The following ZNF626 variants were observed in gnomAD, a reference collection of about 807,000 sequenced individuals.
ZNF626 encodes the protein zinc finger protein 626.
A neutral mutation model predicts 11.7 loss-of-function variants in ZNF626; 4 were observed. That is an observed-to-expected ratio of 0.34 (90% confidence interval 0.17 to 0.78). The LOEUF is 0.78. Among genes scored for constraint, ZNF626 ranks in the 30% least tolerant of loss-of-function variants. ZNF626 has a pLI of 0.57. For synonymous variants in ZNF626, 179 were observed against 198.6 expected, an observed-to-expected ratio of 0.90 and a Z score of 0.83; for missense variants, 588 against 587.1, an observed-to-expected ratio of 1.00 and a Z score of -0.01.
chr19:20,659,720 AT>A (rs34827728), intron 1 of ZNF626, among the ~76,000 whole-genome samples: 72 of 150,028 alleles, frequency 4.8e-4, no homozygotes, highest in South Asian at 8.4e-4. Context: ...TTAGGAATTC[AT>A]TTTTTTTTTA....
intron 3 of ZNF626, among the ~76,000 whole-genome samples, chr19:20,644,123 C>T (rs1470768049): frequency 6.6e-6 from 1 of 152,196 alleles, no homozygotes; most frequent in Non-Finnish European, 1.5e-5. Flanking sequence ...GGCCTGCATA[C>T]CTTGGCCTTT....
chr19:20,630,078 T>C (rs59643175), intron 3 of ZNF626, among the ~76,000 whole-genome samples: 38,700 of 152,070 alleles, frequency 0.25, 7,572 homozygotes, highest in African/African-American at 0.55. Context: ...TGCTGGAGTA[T>C]GTTTATTGAT....
At chr19:20,641,920 T>C (rs1970028338) in intron 3 of ZNF626, among the ~76,000 whole-genome samples, 1 of 117,388 alleles carries the variant, frequency 8.5e-6, no homozygotes, top group Non-Finnish European at 1.7e-5. Context: ...TTTAAAACAA[T>C]GTTTAAAAAA....
chr19:20,641,262 C>A (rs906552244), intron 3 of ZNF626, among the ~76,000 whole-genome samples: 21 of 151,830 alleles, frequency 1.4e-4, no homozygotes, highest in African/African-American at 4.3e-4. Flanking sequence ...AAAAATACGT[C>A]AAAAAATATA....
chr19:20,660,242 CTA>C (rs1491358913), intron 1 of ZNF626, among the ~76,000 whole-genome samples: 1 of 78,902 alleles, frequency 1.3e-5, no homozygotes. Flanking sequence ...GACACTGTGT[CTA>C]AAAAAAAAAA....
Position 20,623,910 on chromosome 19 carries a change from T to TA in ZNF626, c.*379dup, listed in dbSNP as rs879979734. ...GTGTAATAAAGGTTGAGAAGTTCCTTAAAAAATCTGTCACATTCTTTATAT... is the reference window on the plus strand; with the variant it reads ...GTGTAATAAAGGTTGAGAAGTTCCTTAAAAAAATCTGTCACATTCTTTATAT... On this transcript the variant is annotated 3_prime_UTR_variant, in exon 4 of 4. Transcript: ENST00000601440. 1.1e-5 allele frequency: 4 copies of TA among 362,578 alleles called. No individual in the cohort carries two copies. The highest frequency in any genetic ancestry group is 2.1e-5 in the Non-Finnish European group (4 of 187,330). The allele number at this position is 362,578 out of a possible 1,614,324, so 22.5% of individuals were successfully genotyped here. A position where few individuals can be genotyped will look rare whatever the true frequency, so the allele number is the denominator to read the frequency against.
intron 3 of ZNF626, among the ~76,000 whole-genome samples, chr19:20,633,077 G>C (rs1293443358): frequency 6.6e-6 from 1 of 152,120 alleles, no homozygotes. Flanking sequence ...CTGGGTATCA[G>C]CAGCGGTGGC....
At chr19:20,639,953 T>A (rs1970005410) in intron 3 of ZNF626, among the ~76,000 whole-genome samples, 1 of 151,942 alleles carries the variant, frequency 6.6e-6, no homozygotes, top group African/African-American at 2.4e-5. Context: ...CTACAGAACA[T>A]AAACAATGTG....
intron 1 of ZNF626, among the ~76,000 whole-genome samples, chr19:20,658,568 G>C (rs1005472727): frequency 5.3e-5 from 8 of 152,278 alleles, no homozygotes; most frequent in Admixed American, 5.2e-4. Flanking sequence ...TAAATCACAG[G>C]ACAACAGGCA....
rs1002941437 is a variant in ZNF626 at position 20,622,763 on chromosome 19, T to C, written c.*1527A>G. The C allele has an allele frequency of 2.0e-5, 3 of 152,198 alleles. No individual in the cohort carries two copies. The highest frequency in any genetic ancestry group is 7.2e-5 in the African/African-American group (3 of 41,464). The allele number at this position is 152,198 out of a possible 1,614,324, so 9.4% of individuals were successfully genotyped here. The stretch of plus-strand genomic sequence containing the variant: ...CTCAACACTCTTATTTAATGTAATG[T>C]CTGAAGTGTCAGTGCCTTAGTTATT... On this transcript the variant is annotated 3_prime_UTR_variant, in exon 4 of 4. Transcript: ENST00000601440.
At chr19:20,634,624 G>A (rs1258069004) in intron 3 of ZNF626, among the ~76,000 whole-genome samples, 4 of 149,950 alleles carry the variant, frequency 2.7e-5, no homozygotes, top group Non-Finnish European at 5.9e-5. Context: ...AGGCTGAGGT[G>A]GGTGAATTTA....
chr19:20,620,111 A>G lies in ZNF626; in HGVS notation c.*4179T>C, dbSNP rs1250580572. 1 of 152,188 alleles carries G rather than the reference A, an allele frequency of 6.6e-6. No homozygotes were observed. Among genetic ancestry groups the G allele is most frequent in the Admixed American group, 6.5e-5 (1 of 15,276 alleles). The allele number at this position is 152,188 out of a possible 1,614,324, so 9.4% of individuals were successfully genotyped here. A position where few individuals can be genotyped will look rare whatever the true frequency, so the allele number is the denominator to read the frequency against. On this transcript the variant is annotated 3_prime_UTR_variant, in exon 4 of 4. Coordinates refer to ENST00000601440, the MANE Select transcript of ZNF626 (RefSeq NM_001076675.3). ...ATTTTTATTAAAATAAGCGTTAAAA[A>G]TAATTTTTTGAGTGTGTTTGAAGAG...
rs183815090 is a variant in ZNF626 at position 20,639,817 on chromosome 19, T to C, written c.226+5867A>G. Among the ~76,000 whole-genome samples the C allele has an allele frequency of 2.6e-3, 395 of 152,264 alleles. 1 individual carries two copies. Among genetic ancestry groups the C allele is most frequent in the African/African-American group, 9.0e-3 (374 of 41,562 alleles). ...ATAAAAACTGAATGAAACTAGGAAT[T>C]AAAAGCAAAAGTCAAACTGGCAAAT... On this transcript the variant is annotated intron_variant, in intron 3 of 3. Transcript: ENST00000601440.
chr19:20,625,017 C>A lies in ZNF626; in HGVS notation c.860G>T (p.Cys287Phe). The change falls in exon 4 of 4, where the codon TGT (cysteine) becomes TTT (phenylalanine). Residue 287 changes from cysteine to phenylalanine, a missense_variant. By Grantham distance (205) the Cys-to-Phe change is radical (BLOSUM62 -2). Coordinates refer to ENST00000601440, the MANE Select transcript of ZNF626 (RefSeq NM_001076675.3). ...GTTGAAGGCTTTGCCACATTCTTCACATTTGTAGGGTTTCTTTTCCGTATG... is the reference window on the plus strand; with the variant it reads ...GTTGAAGGCTTTGCCACATTCTTCAAATTTGTAGGGTTTCTTTTCCGTATG... ...IIHTEKKPYK[C>F]EECGKAFNRS... 1 of 1,613,778 alleles carries A rather than the reference C, an allele frequency of 6.2e-7. No homozygotes were observed. Among genetic ancestry groups the A allele is most frequent in the Non-Finnish European group, 8.5e-7 (1 of 1,179,960 alleles).
At chr19:20,633,021 C>T (rs1378727606) in intron 3 of ZNF626, among the ~76,000 whole-genome samples, 1 of 152,174 alleles carries the variant, frequency 6.6e-6, no homozygotes, top group East Asian at 1.9e-4. Flanking sequence ...CCCTCAGCTG[C>T]AGGTCTGTTG....
At chr19:20,639,861 AAC>A (rs1170415995) in intron 3 of ZNF626, among the ~76,000 whole-genome samples, 1 of 152,224 alleles carries the variant, frequency 6.6e-6, no homozygotes, top group Non-Finnish European at 1.5e-5. Flanking sequence ...GTGTATATGA[AAC>A]ACACTCTTCA....
rs1487339873 is a variant in ZNF626 at position 20,623,258 on chromosome 19, TG to T, written c.*1031del. ...ATAATAGCTTTCCTGCAAAATAAGA[TG>T]TACACATTGATTAAAGGTTTTGCCA... On this transcript the variant is annotated 3_prime_UTR_variant, in exon 4 of 4. Coordinates refer to ENST00000601440, the MANE Select transcript of ZNF626 (RefSeq NM_001076675.3). 3.9e-5 allele frequency: 6 copies of T among 152,188 alleles called. No homozygotes were observed. The highest frequency in any genetic ancestry group is 8.8e-5 in the Non-Finnish European group (6 of 68,034). The allele number at this position is 152,188 out of a possible 1,614,324, so 9.4% of individuals were successfully genotyped here.
intron 3 of ZNF626, among the ~76,000 whole-genome samples, chr19:20,642,769 G>A (rs1016796836): frequency 1.3e-5 from 2 of 152,060 alleles, no homozygotes; most frequent in East Asian, 1.9e-4. Flanking sequence ...CTGTAGTCTC[G>A]CACTTTGGGA....
In ZNF626 at chr19:20,624,718, G is replaced by A; in HGVS notation, c.1159C>T (p.His387Tyr). Residue 387 changes from histidine to tyrosine, a missense_variant, in exon 4 of 4, where the codon CAT becomes TAT. Physicochemically the swap from His to Tyr is moderately conservative, Grantham distance 83 (BLOSUM62 2). Transcript: ENST00000601440. Reference protein sequence around the residue: ...AFKRSSDLTTHKIIHTGEKPY... With the variant: ...AFKRSSDLTTYKIIHTGEKPY... The stretch of plus-strand genomic sequence containing the variant: ...TTCTCTCCAGTATGAATTATCTTAT[G>A]CGTAGTAAGGTCTGAAGACCGCTTG... 5.0e-6 allele frequency: 8 copies of A among 1,609,926 alleles called. No individual in the cohort carries two copies. The highest frequency in any genetic ancestry group is 6.8e-6 in the Non-Finnish European group (8 of 1,178,142).
Sources: gnomAD v4.1 joint callset for allele counts (sites outside exome capture counted in the v4.1 genomes callset) on GRCh38, gnomAD v4.1.1 for gene constraint, MANE v1.5 for transcripts, NCBI Gene and HGNC (gene_info 2026-07-23, HGNC 2026-07-21) for gene names.